CADPS2: variants seen among roughly 807,000 people sequenced by gnomAD.
CADPS2 encodes calcium dependent secretion activator 2, also known as calcium-dependent secretion activator 2.
Under a neutral mutation model 172.5 loss-of-function variants are expected in CADPS2, and 93 were observed. The ratio of observed to expected loss-of-function variants is 0.54; its 90% confidence interval spans 0.46 to 0.64. The LOEUF (loss-of-function observed/expected upper bound fraction) is 0.64. Among genes scored for constraint, CADPS2 ranks in the 30% least tolerant of loss-of-function variants. The pLI is 0.00. For synonymous variants in CADPS2, 546 were observed against 555.2 expected (o/e 0.98, Z 0.23); for missense variants, 1,420 against 1,565.9 (o/e 0.91, Z 1.57).
intron 13 of CADPS2, among the ~76,000 whole-genome samples, chr7:122,472,611 C>T (rs34133916): frequency 0.053 from 8,091 of 152,122 alleles, 283 homozygotes; most frequent in African/African-American, 0.055. Flanking sequence ...ATTACACTGG[C>T]GGTCAACAAC....
At chr7:122,447,688 G>A (rs1038604428) in intron 15 of CADPS2, among the ~76,000 whole-genome samples, 1 of 150,872 alleles carries the variant, frequency 6.6e-6, no homozygotes, top group East Asian at 2.0e-4. Flanking sequence ...CAAGTAACCG[G>A]GACTACAGGA....
At chr7:122,614,077 G>C (rs1028871023) in intron 6 of CADPS2, among the ~76,000 whole-genome samples, 1 of 152,016 alleles carries the variant, frequency 6.6e-6, no homozygotes, top group African/African-American at 2.4e-5. Context: ...ACTACAAGCA[G>C]ACGGGAAAGC....
chr7:122,519,280 G>T (rs2060605008), intron 8 of CADPS2, among the ~76,000 whole-genome samples: 2 of 151,882 alleles, frequency 1.3e-5, no homozygotes, highest in South Asian at 4.2e-4. Context: ...GAGTGTTCTG[G>T]ATTATTTTAA....
chr7:122,825,492 A>C (rs1020810284), intron 1 of CADPS2, among the ~76,000 whole-genome samples: 14 of 152,170 alleles, frequency 9.2e-5, no homozygotes, highest in African/African-American at 3.4e-4. Context: ...ACAACAACAA[A>C]AAAAGGATTG....
At chr7:122,551,483 A>G (rs2064286014) in intron 8 of CADPS2, among the ~76,000 whole-genome samples, 1 of 152,086 alleles carries the variant, frequency 6.6e-6, no homozygotes, top group Non-Finnish European at 1.5e-5. Flanking sequence ...GGGGCCATAG[A>G]TAAGTGATAA....
chr7:122,574,789 A>T (rs779302962), intron 7 of CADPS2, among the ~76,000 whole-genome samples: 3 of 152,070 alleles, frequency 2.0e-5, no homozygotes, highest in African/African-American at 4.8e-5. Flanking sequence ...TAACACACAA[A>T]TTTTTTTTAA....
chr7:122,723,750 T>A (rs2137201384), intron 2 of CADPS2, among the ~76,000 whole-genome samples: 1 of 152,270 alleles, frequency 6.6e-6, no homozygotes, highest in Admixed American at 6.5e-5. Context: ...GTGGCACCAT[T>A]CACAATAGCA....
intron 2 of CADPS2, among the ~76,000 whole-genome samples, chr7:122,673,231 G>C (rs1295943521): frequency 6.6e-6 from 1 of 152,328 alleles, no homozygotes; most frequent in African/African-American, 2.4e-5. Flanking sequence ...CCACAGCGGG[G>C]AATGGGACCC....
In CADPS2 at chr7:122,671,828, G is replaced by A. The variant is rs1239802670; in HGVS notation, c.454-8259C>T. 2.6e-4 allele frequency among the ~76,000 whole-genome samples: 39 copies of A among 152,210 alleles called. 1 individual carries two copies. The highest frequency in any genetic ancestry group is 2.6e-3 in the Admixed American group (39 of 15,278). ...TAGCAGAGGAGTAGTGAGTAGGAAGGCAGAGGTGTGAGCAAAACTAGGGCA... is the reference window on the plus strand; with the variant it reads ...TAGCAGAGGAGTAGTGAGTAGGAAGACAGAGGTGTGAGCAAAACTAGGGCA... On this transcript the variant is annotated intron_variant, in intron 2 of 29. Coordinates refer to ENST00000449022, the MANE Select transcript of CADPS2 (RefSeq NM_017954.11).
intron 20 of CADPS2, among the ~76,000 whole-genome samples, chr7:122,407,164 T>C (rs978850516): frequency 6.6e-6 from 1 of 152,204 alleles, no homozygotes; most frequent in Non-Finnish European, 1.5e-5. Context: ...TAACATAACA[T>C]GATTTCTACA....
chr7:122,606,846 C>T (rs2073626412), intron 6 of CADPS2, among the ~76,000 whole-genome samples: 2 of 151,976 alleles, frequency 1.3e-5, no homozygotes, highest in Non-Finnish European at 2.9e-5. Flanking sequence ...AGAGGACACA[C>T]AGTCTATATT....
At chr7:122,392,821 A>C (rs2044554097) in intron 22 of CADPS2, among the ~76,000 whole-genome samples, 1 of 152,186 alleles carries the variant, frequency 6.6e-6, no homozygotes, top group Non-Finnish European at 1.5e-5. Flanking sequence ...AAGATAAGTC[A>C]TCTGGGCAGT....
intron 28 of CADPS2, among the ~76,000 whole-genome samples, chr7:122,339,270 T>C (rs1171430264): frequency 1.3e-5 from 2 of 152,208 alleles, no homozygotes; most frequent in Admixed American, 1.3e-4. Context: ...TATTTAATGG[T>C]CACTTTTATC....
Position 122,856,830 on chromosome 7 carries a change from T to C in CADPS2, c.339+29169A>G, listed in dbSNP as rs1020229095. ...ACAATAAAAGACATCTTTAATATGA[T>C]TTCAAGATTAGCAATGCTGCACTGA... On this transcript the variant is annotated intron_variant, in intron 1 of 29. Coordinates refer to ENST00000449022, the MANE Select transcript of CADPS2 (RefSeq NM_017954.11). 5.9e-5 allele frequency among the ~76,000 whole-genome samples: 9 copies of C among 152,342 alleles called. 1 individual carries two copies. The highest frequency in any genetic ancestry group is 3.9e-4 in the Admixed American group (6 of 15,306).
intron 8 of CADPS2, among the ~76,000 whole-genome samples, chr7:122,538,082 A>G (rs527958293): frequency 6.6e-6 from 1 of 151,812 alleles, no homozygotes; most frequent in South Asian, 2.1e-4. Flanking sequence ...CAATCCAGAT[A>G]TTATTGAAAA....
At chr7:122,331,007 A>G (rs2034847832) in intron 28 of CADPS2, 1 of 152,202 alleles carries the variant, frequency 6.6e-6, no homozygotes, top group Admixed American at 6.5e-5. Flanking sequence ...GACTTACAGG[A>G]AAAGGCATGA....
chr7:122,725,428 G>T (rs1051146974), intron 2 of CADPS2, among the ~76,000 whole-genome samples: 1 of 151,800 alleles, frequency 6.6e-6, no homozygotes, highest in Non-Finnish European at 1.5e-5. Flanking sequence ...GATTTAGGGG[G>T]TATAAGTGTA....
intron 22 of CADPS2, among the ~76,000 whole-genome samples, chr7:122,390,422 T>C (rs1245654304): frequency 6.6e-6 from 1 of 152,050 alleles, no homozygotes. Context: ...TGAATACAAT[T>C]GGCAAAGAAG....
At chr7:122,330,844 C>T (rs2034809657) in intron 28 of CADPS2, 1 of 152,132 alleles carries the variant, frequency 6.6e-6, no homozygotes, top group Non-Finnish European at 1.5e-5. Flanking sequence ...CAGTGCTAGC[C>T]CCATTTATGC....
Sources: allele counts gnomAD v4.1 joint callset (sites outside exome capture counted in the v4.1 genomes callset), GRCh38; gene constraint gnomAD v4.1.1; transcripts MANE v1.5; gene names NCBI Gene and HGNC (gene_info 2026-07-23, HGNC 2026-07-21).